The following WDR47 variants were observed in gnomAD, a reference collection of about 807,000 sequenced individuals.
WDR47 encodes the protein WD repeat-containing protein 47.
Under a neutral mutation model 97.2 loss-of-function variants are expected in WDR47, and 32 were observed. The observed-to-expected ratio is 0.33, with a 90% confidence interval of 0.25 to 0.44. The LOEUF (loss-of-function observed/expected upper bound fraction) is 0.44. WDR47 is among the 20% of genes least tolerant of loss of function. WDR47 has a pLI of 1.00. For synonymous variants in WDR47, 375 were observed against 373.5 expected, an observed-to-expected ratio of 1.00 and a Z score of -0.05; for missense variants, 782 against 1,102.3, an observed-to-expected ratio of 0.71 and a Z score of 4.11.
At chr1:108,974,501 GA>G (rs1357377596) in intron 14 of WDR47, 34 bp downstream of exon 14, 1 of 1,581,026 alleles carries the variant, frequency 6.3e-7, no homozygotes, top group Non-Finnish European at 8.7e-7. Flanking sequence ...AATAGAACAG[GA>G]AAGACTAAAA....
At chr1:108,997,759 C>CAAAAA (rs35471904) in intron 7 of WDR47, among the ~76,000 whole-genome samples, 7 of 101,838 alleles carry the variant, frequency 6.9e-5, no homozygotes, top group Non-Finnish European at 9.2e-5. Flanking sequence ...GACTCCATCT[C>CAAAAA]AAAAAAAAAA....
intron 1 of WDR47, among the ~76,000 whole-genome samples, chr1:109,040,821 C>T (rs1168106273): frequency 6.6e-6 from 1 of 152,158 alleles, no homozygotes; most frequent in Non-Finnish European, 1.5e-5. Flanking sequence ...AAAAATTCTA[C>T]TTGAATTTAC....
intron 1 of WDR47, among the ~76,000 whole-genome samples, chr1:109,028,389 A>T (rs2102020493): frequency 2.0e-4 from 1 of 5,042 alleles, no homozygotes; most frequent in East Asian, 5.4e-3. Flanking sequence ...TTTTTTGTAG[A>T]GATTGGGTTT....
At chr1:109,024,539 C>G (rs1662069786) in intron 1 of WDR47, among the ~76,000 whole-genome samples, 1 of 152,138 alleles carries the variant, frequency 6.6e-6, no homozygotes, top group South Asian at 2.1e-4. Flanking sequence ...CCTTCTAACT[C>G]TTACCTGTAG....
In WDR47 at chr1:109,002,415, A is replaced by C. The variant is rs767805572; in HGVS notation, c.1255-13T>G. The stretch of plus-strand genomic sequence containing the variant: ...TTGAATCTCGAAGCTTAAAAACATT[A>C]GAAAAAAACATATATATTTGAGCAA... On this transcript the variant is annotated splice_polypyrimidine_tract_variant and intron_variant, in intron 6 of 14. Transcript: ENST00000369962. 3.8e-6 allele frequency: 6 copies of C among 1,560,858 alleles called. No homozygotes were observed. The highest frequency in any genetic ancestry group is 5.2e-6 in the Non-Finnish European group (6 of 1,155,510).
At chr1:109,035,297 T>C (rs111712657) in intron 1 of WDR47, among the ~76,000 whole-genome samples, 3,411 of 150,018 alleles carry the variant, frequency 0.023, 69 homozygotes, top group Admixed American at 0.05. Context: ...GAATGTTGCA[T>C]GCCAAACTGT....
In WDR47 at chr1:109,004,597, T is replaced by G. The variant is rs1388095556; in HGVS notation, c.1249A>C (p.Asn417His). Residue 417 changes from asparagine to histidine, a missense_variant, in exon 6 of 15, where the codon AAT (asparagine) becomes CAT (histidine). Around this residue, in one of 3 missense-constraint regions of WDR47, gnomAD observed 428 missense variants for 584.3 expected, o/e 0.73. Transcript: ENST00000369962. The part of the protein sequence containing the change: ...QNPGPAKQEK[N>H]ELRDSTEQFQ... ...CTAGGTTTAGTAAATATTACCTCAT[T>G]TTTTTCTTGTTTAGCTGGTCCTGGA... 6.2e-7 allele frequency: 1 copy of G among 1,610,540 alleles called. No homozygotes were observed. The highest frequency in any genetic ancestry group is 8.5e-7 in the Non-Finnish European group (1 of 1,178,870).
At chr1:109,021,667 C>G (rs1159610533) in intron 2 of WDR47, among the ~76,000 whole-genome samples, 2 of 151,784 alleles carry the variant, frequency 1.3e-5, no homozygotes, top group African/African-American at 2.4e-5. Flanking sequence ...GCTGGAATTA[C>G]AGGCATGCAC....
rs967886054 is a variant in WDR47, at chr1:109,026,973, T to TA, written c.-9-3453dup. Among the ~76,000 whole-genome samples, 75 of 151,540 alleles carry TA rather than the reference T, an allele frequency of 4.9e-4. 1 individual carries two copies. The highest frequency in any genetic ancestry group is 1.5e-3 in the Admixed American group (23 of 15,172). On this transcript the variant is annotated intron_variant, in intron 1 of 14. Coordinates refer to ENST00000369962, the MANE Select transcript of WDR47 (RefSeq NM_001142551.2). ...TTAAAATTGGTTCAAGTTTTCTTTT[T>TA]AAAAAAAAACTAATTAAAAAAAGAC...
chr1:109,024,712 A>T (rs1309809780), intron 1 of WDR47, among the ~76,000 whole-genome samples: 1 of 152,224 alleles, frequency 6.6e-6, no homozygotes, highest in Non-Finnish European at 1.5e-5. Flanking sequence ...GGTTCAGAGC[A>T]ATGCAAAATA....
chr1:109,021,748 A>T (rs1270396256), intron 2 of WDR47, among the ~76,000 whole-genome samples: 1 of 151,882 alleles, frequency 6.6e-6, no homozygotes, highest in Non-Finnish European at 1.5e-5. Context: ...GCTGGTCTCG[A>T]ACTCCTAACC....
intron 1 of WDR47, among the ~76,000 whole-genome samples, chr1:109,024,413 A>G (rs1319732851): frequency 2.0e-5 from 3 of 151,542 alleles, no homozygotes; most frequent in East Asian, 3.9e-4. Flanking sequence ...AGATCGTGCC[A>G]CTGCACTACA....
intron 7 of WDR47, 25 bp from the exon 8 acceptor site, chr1:108,995,862 T>A (rs763335152): frequency 3.1e-6 from 5 of 1,601,134 alleles, no homozygotes; most frequent in Middle Eastern, 3.3e-4. Flanking sequence ...AATGTAATCA[T>A]TTTAAAATAA....
chr1:108,995,222 T>C (rs1487334473), intron 8 of WDR47, among the ~76,000 whole-genome samples: 1 of 152,216 alleles, frequency 6.6e-6, no homozygotes, highest in Non-Finnish European at 1.5e-5. Flanking sequence ...CATCTTTCTA[T>C]GCCCTGAAAG....
Position 109,011,694 on chromosome 1 carries a change from C to T in WDR47, c.352G>A (p.Val118Met), listed in dbSNP as rs1041729780. Residue 118 changes from valine to methionine, a missense_variant, in exon 5 of 15, where the codon GTG (valine) becomes ATG (methionine). Val to Met is a conservative substitution (Grantham distance 21). Transcript: ENST00000369962. ...QHLEFTMQEAVQCLHALEEYC... is the reference protein window; with the variant it reads ...QHLEFTMQEAMQCLHALEEYC... ...TCTTCTAGAGCATGTAAACATTGCA[C>T]AGCTTCTTGCATGGTAAATTCCAGC... is the stretch of plus-strand genomic sequence containing the variant. 6.3e-7 allele frequency: 1 copy of T among 1,592,444 alleles called. No homozygotes were observed. Among genetic ancestry groups the T allele is most frequent in the Non-Finnish European group, 8.6e-7 (1 of 1,167,798 alleles).
chr1:108,998,193 T>G (rs1320060295), intron 7 of WDR47, among the ~76,000 whole-genome samples: 1 of 152,002 alleles, frequency 6.6e-6, no homozygotes, highest in Non-Finnish European at 1.5e-5. Flanking sequence ...AAATGCAAAG[T>G]ATAAAAAGCA....
chr1:108,972,189 A>C (rs971820625), intron 14 of WDR47, among the ~76,000 whole-genome samples: 1 of 152,004 alleles, frequency 6.6e-6, no homozygotes, highest in African/African-American at 2.4e-5. Context: ...TGCTCATGAC[A>C]AAAACCTAGG....
chr1:109,021,549 C>T lies in WDR47; in HGVS notation c.158+1806G>A, dbSNP rs971917152. On this transcript the variant is annotated intron_variant, in intron 2 of 14. Transcript: ENST00000369962. ...TCTCAAAAAAAAAAAAAAAAAGGCGCAAGTATAAAATGTTCTGTAGAGCAA... is the reference window on the plus strand; with the variant it reads ...TCTCAAAAAAAAAAAAAAAAAGGCGTAAGTATAAAATGTTCTGTAGAGCAA... Among the ~76,000 whole-genome samples, 8 of 145,074 alleles carry T rather than the reference C, an allele frequency of 5.5e-5. No homozygotes were observed. The Admixed American group carries it at 5.5e-4, about 10-fold the overall frequency.
At chr1:109,012,276 G>A (rs1303851970) in intron 4 of WDR47, among the ~76,000 whole-genome samples, 3 of 152,056 alleles carry the variant, frequency 2.0e-5, no homozygotes, top group Non-Finnish European at 4.4e-5. Flanking sequence ...AAATTGTGTG[G>A]AGATAGAAAG....
Sources: gnomAD v4.1 joint callset for allele counts (sites outside exome capture counted in the v4.1 genomes callset) on GRCh38, gnomAD v4.1.1 for gene constraint, gnomAD v4.1.1 regional missense constraint, MANE v1.5 for transcripts, NCBI Gene and HGNC (gene_info 2026-07-23, HGNC 2026-07-21) for gene names.